Variants in XKR9 observed in about 807,000 individuals in gnomAD.
XKR9 encodes the protein XK related 9, also known as XK-related protein 9.
Under a neutral mutation model 32.0 loss-of-function variants are expected in XKR9, and 32 were observed. The observed-to-expected ratio is 1.00, with a 90% CI of 0.76 to 1.34. XKR9 has a LOEUF of 1.34. Among genes scored for constraint, XKR9 ranks in the 40% most tolerant of loss-of-function variants. The pLI is 0.00. For missense variants in XKR9, 546 were observed against 429.7 expected (o/e 1.27, Z -2.39); for synonymous variants, 168 against 143.4 (o/e 1.17, Z -1.22).
chr8:70,822,372 G>T, the XKR9 span, among the ~76,000 whole-genome samples: 10 of 151,864 alleles, frequency 6.6e-5, no homozygotes, highest in African/African-American at 2.4e-4. Context: ...AGACCTTGTC[G>T]AAATAATTTC....
At chr8:70,901,930 G>T in the XKR9 span, among the ~76,000 whole-genome samples, 2 of 152,134 alleles carry the variant, frequency 1.3e-5, no homozygotes, top group East Asian at 1.9e-4. Context: ...TTTCCCCATT[G>T]CTTGTTTTTG....
chr8:70,881,382 C>T, the XKR9 span, among the ~76,000 whole-genome samples: 1 of 151,900 alleles, frequency 6.6e-6, no homozygotes, highest in Non-Finnish European at 1.5e-5. Context: ...TGATGAAGGG[C>T]TAATATCCAG....
chr8:70,994,247 T>G, the XKR9 span, among the ~76,000 whole-genome samples: 1 of 152,146 alleles, frequency 6.6e-6, no homozygotes, highest in Non-Finnish European at 1.5e-5. Context: ...CCTATACAAT[T>G]TTCTTCTTTC....
the XKR9 span, among the ~76,000 whole-genome samples, chr8:70,924,426 A>G: frequency 6.6e-6 from 1 of 152,090 alleles, no homozygotes; most frequent in Non-Finnish European, 1.5e-5. Context: ...TCTATTATCT[A>G]TAGGGGGAAA....
the XKR9 span, among the ~76,000 whole-genome samples, chr8:70,954,809 G>A: frequency 3.2e-3 from 493 of 152,242 alleles, no homozygotes; most frequent in Non-Finnish European, 5.4e-3. Context: ...AGTACTGATC[G>A]TTTTTTACCA....
intron 4 of XKR9, among the ~76,000 whole-genome samples, chr8:70,713,383 C>A (rs901957165): frequency 1.3e-5 from 2 of 152,082 alleles, no homozygotes; most frequent in African/African-American, 4.8e-5. Context: ...AAAAGTTAGT[C>A]ACTCAAAAAA....
the XKR9 span, among the ~76,000 whole-genome samples, chr8:70,934,370 G>C: frequency 7.2e-5 from 11 of 151,928 alleles, no homozygotes; most frequent in Non-Finnish European, 2.9e-5. Flanking sequence ...TAAGAAATTT[G>C]GGCAGCTTAG....
intron 2 of XKR9, among the ~76,000 whole-genome samples, chr8:70,747,968 G>C (rs1807081162): frequency 6.6e-6 from 1 of 152,130 alleles, no homozygotes. Context: ...TTTGTAGACT[G>C]TGACTATCCC....
intron 2 of XKR9, among the ~76,000 whole-genome samples, chr8:70,786,661 G>A (rs146252637): frequency 3.9e-4 from 60 of 152,116 alleles, no homozygotes; most frequent in African/African-American, 1.4e-3. Flanking sequence ...GTATTTGTGT[G>A]TGCCATTATT....
At chr8:70,974,971 G>C in the XKR9 span, among the ~76,000 whole-genome samples, 2 of 152,124 alleles carry the variant, frequency 1.3e-5, no homozygotes, top group Non-Finnish European at 2.9e-5. Flanking sequence ...GTTTTGATTT[G>C]CATTTCTCTG....
the XKR9 span, among the ~76,000 whole-genome samples, chr8:70,971,215 A>T: frequency 6.6e-6 from 1 of 152,106 alleles, no homozygotes; most frequent in Non-Finnish European, 1.5e-5. Flanking sequence ...CCTGATAATT[A>T]GTGATGTTGA....
chr8:71,056,411 A>C, the XKR9 span, among the ~76,000 whole-genome samples: 3 of 152,218 alleles, frequency 2.0e-5, no homozygotes, highest in African/African-American at 7.2e-5. Context: ...TTATAGAGGC[A>C]ATATTAATGG....
At chr8:70,757,651 A>G (rs1807247349) in intron 2 of XKR9, among the ~76,000 whole-genome samples, 1 of 152,160 alleles carries the variant, frequency 6.6e-6, no homozygotes, top group Admixed American at 6.5e-5. Context: ...TGGTGCCGCA[A>G]TCTCGGCTCA....
the XKR9 span, among the ~76,000 whole-genome samples, chr8:70,855,016 G>A: frequency 1.3e-5 from 2 of 151,994 alleles, no homozygotes; most frequent in Non-Finnish European, 2.9e-5. Flanking sequence ...CTCTTTTTTG[G>A]TTCCATATGA....
At chr8:70,818,209 G>A in the XKR9 span, among the ~76,000 whole-genome samples, 5 of 149,106 alleles carry the variant, frequency 3.4e-5, no homozygotes, top group Non-Finnish European at 7.4e-5. Flanking sequence ...TTTTTTTTTG[G>A]TGAGTTTCCA....
At chr8:70,695,303 A>G (rs1805225634) in intron 3 of XKR9, among the ~76,000 whole-genome samples, 1 of 143,300 alleles carries the variant, frequency 7.0e-6, no homozygotes, top group South Asian at 2.3e-4. Flanking sequence ...CATTAGGTAT[A>G]TCTCCTAATG....
At chr8:71,034,253 A>G in the XKR9 span, among the ~76,000 whole-genome samples, 1 of 152,146 alleles carries the variant, frequency 6.6e-6, no homozygotes, top group African/African-American at 2.4e-5. Flanking sequence ...TTCTCATGAT[A>G]GTGAGTGAGT....
At chr8:71,002,563 G>A in the XKR9 span, among the ~76,000 whole-genome samples, 5 of 152,166 alleles carry the variant, frequency 3.3e-5, no homozygotes, top group East Asian at 9.6e-4. Flanking sequence ...GGCAACTTCT[G>A]TTTTATACGG....
chr8:70,740,341 G>A (rs1276497453), downstream of XKR9, among the ~76,000 whole-genome samples: 5 of 151,926 alleles, frequency 3.3e-5, no homozygotes, highest in Non-Finnish European at 5.9e-5. Context: ...GCACTTCTCT[G>A]TATTGGTTAT....
Sources: allele counts gnomAD v4.1 joint callset (sites outside exome capture counted in the v4.1 genomes callset), GRCh38; gene constraint gnomAD v4.1.1; transcripts MANE v1.5; gene names NCBI Gene and HGNC (gene_info 2026-07-23, HGNC 2026-07-21).